Variants in OAS2 observed in about 807,000 individuals in gnomAD.
The protein encoded by OAS2 is 2'-5'-oligoadenylate synthase 2.
In OAS2, 67 loss-of-function variants were observed where a neutral mutation model predicts 71.3. The ratio of observed to expected loss-of-function variants is 0.94; its 90% CI spans 0.77 to 1.15. The LOEUF is 1.15. OAS2 is among the 50% of genes most tolerant of loss of function. OAS2 has a pLI of 0.00. For synonymous variants in OAS2, 327 were observed against 321.8 expected, an observed-to-expected ratio of 1.02 and a Z score of -0.17; for missense variants, 789 against 822.5, an observed-to-expected ratio of 0.96 and a Z score of 0.50.
At chr12:113,003,251 C>T (rs1399512463) in intron 6 of OAS2, 149 bp downstream of exon 6, 1 of 796,714 alleles carries the variant, frequency 1.3e-6, no homozygotes, top group Non-Finnish European at 2.0e-6. Flanking sequence ...AACTAGGACA[C>T]TAGTTTTCAG....
chr12:113,008,112 G>A (rs1180674246), intron 9 of OAS2, among the ~76,000 whole-genome samples, 169 bp downstream of exon 9: 1 of 152,168 alleles, frequency 6.6e-6, no homozygotes, highest in Non-Finnish European at 1.5e-5. Flanking sequence ...AGCAGGGGCA[G>A]GAGAAAATGC....
Position 113,009,826 on chromosome 12 carries a change from C to A in OAS2, c.*571C>A, listed in dbSNP as rs922329031. On this transcript the variant is annotated 3_prime_UTR_variant, in exon 10 of 10. Coordinates refer to ENST00000392583, the MANE Select transcript of OAS2 (RefSeq NM_002535.3). ...TGTGGACGTGGGTTGCACTGGCCACCCAAGGATGTCTGCCACACCTCTCCA... is the reference window on the plus strand; with the variant it reads ...TGTGGACGTGGGTTGCACTGGCCACACAAGGATGTCTGCCACACCTCTCCA... 9.1e-6 allele frequency: 9 copies of A among 986,446 alleles called. No individual in the cohort carries two copies. The African/African-American group carries it at 1.2e-4, about 13-fold the overall frequency. 61.1% of individuals were successfully genotyped at this position (986,446 alleles called of 1,614,324 possible).
chr12:113,010,463 T>C lies in OAS2; in HGVS notation c.*1208T>C. 5 of 1,613,704 alleles carry C rather than the reference T, an allele frequency of 3.1e-6. No individual in the cohort carries two copies. The highest frequency in any genetic ancestry group is 4.2e-6 in the Non-Finnish European group (5 of 1,179,858). On this transcript the variant is annotated 3_prime_UTR_variant, in exon 10 of 10. Coordinates refer to ENST00000392583, the MANE Select transcript of OAS2 (RefSeq NM_002535.3). Reference sequence around the variant, plus strand: ...CCAGAAGCCATAGAATCCTGAATAATAATTCTAAAAGAAACTTCTAGAGAT... The same window carrying C: ...CCAGAAGCCATAGAATCCTGAATAACAATTCTAAAAGAAACTTCTAGAGAT...
intron 1 of OAS2, among the ~76,000 whole-genome samples, chr12:112,980,723 G>T (rs2044073271): frequency 6.6e-6 from 1 of 151,984 alleles, no homozygotes; most frequent in Non-Finnish European, 1.5e-5. Flanking sequence ...TCCCTTTTTT[G>T]GATAAATACC....
intron 2 of OAS2, among the ~76,000 whole-genome samples, chr12:112,990,933 G>C (rs2044185983): frequency 6.6e-6 from 1 of 152,176 alleles, no homozygotes; most frequent in African/African-American, 2.4e-5. Flanking sequence ...TTGGCCAAGA[G>C]AGGGGTTCAT....
At chr12:113,009,053 G>A in intron 9 of OAS2, 34 bp from the exon 10 acceptor site, 2 of 1,590,644 alleles carry the variant, frequency 1.3e-6, no homozygotes, top group Non-Finnish European at 1.7e-6. Context: ...ACTGGGATTT[G>A]GAATCTCCTA....
At chr12:112,996,364 T>G (rs914526980) in intron 3 of OAS2, among the ~76,000 whole-genome samples, 2 of 152,210 alleles carry the variant, frequency 1.3e-5, no homozygotes, top group Non-Finnish European at 1.5e-5. Context: ...TATATGAATG[T>G]TGTGTACATA....
chr12:112,981,374 C>CAA (rs2044081003), intron 1 of OAS2, among the ~76,000 whole-genome samples: 1 of 151,850 alleles, frequency 6.6e-6, no homozygotes. Flanking sequence ...CTCTTTAACC[C>CAA]ATTTTTAGTT....
intron 6 of OAS2, 100 bp downstream of exon 6, chr12:113,003,202 C>A: frequency 1.6e-6 from 2 of 1,274,516 alleles, no homozygotes; most frequent in East Asian, 2.3e-5. Flanking sequence ...GATCCATCTA[C>A]CTTCAGAAAC....
At chr12:113,007,380 C>T (rs2044343766) in intron 8 of OAS2, among the ~76,000 whole-genome samples, 1 of 152,198 alleles carries the variant, frequency 6.6e-6, no homozygotes, top group Non-Finnish European at 1.5e-5. Context: ...ATCTAAAATG[C>T]AGGTCATGCT....
intron 7 of OAS2, among the ~76,000 whole-genome samples, chr12:113,005,736 A>G (rs1037070566): frequency 6.6e-6 from 1 of 150,868 alleles, no homozygotes; most frequent in African/African-American, 2.4e-5. Flanking sequence ...TAAATAATAA[A>G]CAAAGTTAGC....
chr12:112,997,525 GA>G lies in OAS2; in HGVS notation c.640del (p.Ile214SerfsTer41). 3 of 1,613,336 alleles carry G rather than the reference GA, an allele frequency of 1.9e-6. No homozygotes were observed. Among genetic ancestry groups the G allele is most frequent in the Non-Finnish European group, 2.5e-6 (3 of 1,179,492 alleles). On this transcript the variant is annotated frameshift_variant, in exon 4 of 10. Transcript: ENST00000392583. LOFTEE classifies it high-confidence loss of function. ...ACCCTTTCCTTATCCCACAGTGCCA[GA>G]AAAAAATCAAGGATTTACCCTCGCT... Reference protein sequence around the residue: ...LIKHWHQQCQKKIKDLPSLSP... With the variant: ...LIKHWHQQCQXKIKDLPSLSP...
At chr12:112,995,584 A>T in intron 3 of OAS2, 110 bp downstream of exon 3, 2 of 1,058,496 alleles carry the variant, frequency 1.9e-6, no homozygotes, top group Non-Finnish European at 2.7e-6. Flanking sequence ...CGCATTTTTT[A>T]CAATCTTACC....
chr12:112,991,156 T>C (rs1397949985), intron 2 of OAS2, among the ~76,000 whole-genome samples: 1 of 152,192 alleles, frequency 6.6e-6, no homozygotes, highest in Admixed American at 6.5e-5. Context: ...CTTGAGACTT[T>C]GGCCTATACT....
intron 4 of OAS2, 49 bp downstream of exon 4, chr12:112,997,804 A>G: frequency 7.3e-7 from 1 of 1,360,632 alleles, no homozygotes; most frequent in Non-Finnish European, 9.9e-7. Flanking sequence ...TCCGCATGCC[A>G]GGCATACCTC....
chr12:112,987,498 A>T (rs1565990970), intron 2 of OAS2, 190 bp downstream of exon 2: 3 of 1,432,990 alleles, frequency 2.1e-6, no homozygotes, highest in Non-Finnish European at 2.7e-6. Context: ...CTTCTCCCCC[A>T]TACCCTGATT....
chr12:112,998,167 C>T, intron 4 of OAS2, 99 bp from the exon 5 acceptor site: 1 of 1,341,206 alleles, frequency 7.5e-7, no homozygotes, highest in South Asian at 1.4e-5. Context: ...AATCCAAATT[C>T]AAGTTGCCGG....
At position 112,978,606 on chromosome 12, in the gene OAS2, G is replaced by C; in HGVS notation, c.-3G>C. ...CTGTCTTGCCGGCAGCCAGCTGAGA[G>C]CAATGGGAAATGGGGAGTCCCAGCT... On this transcript the variant is annotated 5_prime_UTR_variant, in exon 1 of 10. Coordinates refer to ENST00000392583, the MANE Select transcript of OAS2 (RefSeq NM_002535.3). This position sits in a 1 kb window ranked among gnomAD's most constrained non-coding sequence, Gnocchi z 4.2. 4.3e-6 allele frequency: 7 copies of C among 1,613,956 alleles called. No homozygotes were observed. Among genetic ancestry groups the C allele is most frequent in the Admixed American group, 3.3e-5 (2 of 59,992 alleles).
In OAS2 at chr12:113,003,072, A is replaced by G; in HGVS notation, c.1149A>G (p.Arg383=). The G allele has an allele frequency of 2.5e-6, 4 of 1,614,168 alleles. No individual in the cohort carries two copies. Among genetic ancestry groups the G allele is most frequent in the Non-Finnish European group, 3.4e-6 (4 of 1,180,008 alleles). ...IRTFLKENCF[R]QSTAKIQIVR... ...CATTCCTTAAAGAAAACTGCTTCCG[A>G]CAATCAACAGCCAAGATCCAGATTG... Residue 383 remains arginine (R), a synonymous_variant, in exon 6 of 10, where the codon CGA becomes CGG. Transcript: ENST00000392583.
Sources: gnomAD v4.1 joint callset for allele counts (sites outside exome capture counted in the v4.1 genomes callset) on GRCh38, gnomAD v4.1.1 for gene constraint, Gnocchi (gnomAD v3.1) non-coding constraint, MANE v1.5 for transcripts, NCBI Gene and HGNC (gene_info 2026-07-23, HGNC 2026-07-21) for gene names.